The following CACNA1C variants were observed in gnomAD, a reference collection of about 807,000 sequenced individuals.
CACNA1C encodes the protein calcium voltage-gated channel subunit alpha1 C.
CACNA1C carries 30 observed loss-of-function variants against 229.0 expected under a neutral mutation model. The ratio of observed to expected loss-of-function variants is 0.13; its 90% CI spans 0.10 to 0.18. CACNA1C has a LOEUF of 0.18. Among genes scored for constraint, CACNA1C ranks in the 10% least tolerant of loss-of-function variants. The probability of loss-of-function intolerance (pLI) is 1.00; values close to 1 mark genes in which losing one functional copy is unlikely to be tolerated. For missense variants in CACNA1C, 1,658 were observed against 2,845.0 expected, an observed-to-expected ratio of 0.58 and a Z score of 9.49; for synonymous variants, 1,114 against 1,132.5, an observed-to-expected ratio of 0.98 and a Z score of 0.33.
intron 9 of CACNA1C, among the ~76,000 whole-genome samples, chr12:2,515,029 C>T (rs1278629756): frequency 6.6e-6 from 1 of 152,220 alleles, no homozygotes; most frequent in Non-Finnish European, 1.5e-5. Context: ...TGGCCTTAGA[C>T]TCTGGAGACT....
rs190437147 is a variant in CACNA1C, at chr12:2,593,349, T to A, written c.2663+4T>A. ...TCATCTTCAGCTCTAACAACAGGTG[T>A]GCAGCAATGGTGGGGAAGGTGGGGT... On this transcript the variant is annotated splice_donor_region_variant and intron_variant, in intron 19 of 46. Transcript: ENST00000399655. 6.2e-7 allele frequency: 1 copy of A among 1,613,604 alleles called. No homozygotes were observed. Among genetic ancestry groups the A allele is most frequent in the East Asian group, 2.2e-5 (1 of 44,870 alleles).
intron 1 of CACNA1C, among the ~76,000 whole-genome samples, chr12:2,057,937 A>G (rs73046451): frequency 0.044 from 6,670 of 152,254 alleles, 215 homozygotes; most frequent in Non-Finnish European, 0.067. Flanking sequence ...CCTAACTTTA[A>G]TAGGGAAAAG....
intron 1 of CACNA1C, among the ~76,000 whole-genome samples, chr12:2,107,359 C>T (rs2079482247): frequency 1.9e-5 from 1 of 53,052 alleles, no homozygotes. Flanking sequence ...TGGGCGCCCA[C>T]CCCGGGGAGG....
chr12:2,688,923 G>A, intron 46 of CACNA1C, 144 bp downstream of exon 46: 1 of 709,488 alleles, frequency 1.4e-6, no homozygotes, highest in African/African-American at 1.8e-5. Flanking sequence ...TCTCAGGGCT[G>A]CAGGAGGGCT....
At chr12:2,204,087 A>G (rs1203705582) in intron 3 of CACNA1C, among the ~76,000 whole-genome samples, 1 of 152,046 alleles carries the variant, frequency 6.6e-6, no homozygotes. Context: ...AAGTGTTCCT[A>G]TTTCTCCACA....
intron 10 of CACNA1C, among the ~76,000 whole-genome samples, chr12:2,554,830 G>T (rs547486158): frequency 1.3e-5 from 2 of 152,196 alleles, no homozygotes; most frequent in African/African-American, 2.4e-5. Context: ...GACAAAAGCC[G>T]CTGAGCAGTG....
intron 3 of CACNA1C, chr12:2,269,688 A>G (rs2083976903): frequency 6.6e-6 from 1 of 152,164 alleles, no homozygotes; most frequent in Non-Finnish European, 1.5e-5. Context: ...AGGAAACAGA[A>G]TTCTACACAG....
At chr12:2,256,534 C>T (rs1019481429) in intron 3 of CACNA1C, among the ~76,000 whole-genome samples, 4 of 152,144 alleles carry the variant, frequency 2.6e-5, no homozygotes, top group African/African-American at 9.7e-5. Flanking sequence ...ATAATCCTGG[C>T]CCCTGATGAG....
chr12:2,375,829 GT>G lies in CACNA1C; in HGVS notation c.478-73146del, dbSNP rs774573043. The stretch of plus-strand genomic sequence containing the variant: ...CACTGGTTCTGCCCAGAGCTCACTG[GT>G]AACTCAGGCTCTCTGCATGGCAAAG... On this transcript the variant is annotated intron_variant, in intron 3 of 46. Coordinates refer to ENST00000399655, the MANE Select transcript of CACNA1C (RefSeq NM_000719.7). Among the ~76,000 whole-genome samples, 6 of 152,324 alleles carry G rather than the reference GT, an allele frequency of 3.9e-5. No individual in the cohort carries two copies. In the East Asian group the frequency reaches 9.6e-4, roughly 24 times the overall value.
chr12:2,176,431 G>A (rs1277701349), intron 3 of CACNA1C, among the ~76,000 whole-genome samples: 1 of 152,108 alleles, frequency 6.6e-6, no homozygotes, highest in Non-Finnish European at 1.5e-5. Flanking sequence ...TCTGACTCAC[G>A]TTTTTAAAGG....
chr12:2,158,148 A>G (rs183907785), intron 3 of CACNA1C, among the ~76,000 whole-genome samples: 31 of 152,366 alleles, frequency 2.0e-4, no homozygotes, highest in African/African-American at 7.2e-4. Flanking sequence ...AGACAGTTCT[A>G]GTACATTTGC....
chr12:2,278,098 A>G (rs2089631219), intron 3 of CACNA1C, among the ~76,000 whole-genome samples: 1 of 152,226 alleles, frequency 6.6e-6, no homozygotes, highest in Admixed American at 6.5e-5. Flanking sequence ...TTTAAATTCC[A>G]TAGGAATAAA....
At chr12:2,618,189 A>G (rs2081569588) in intron 29 of CACNA1C, among the ~76,000 whole-genome samples, 1 of 152,032 alleles carries the variant, frequency 6.6e-6, no homozygotes, top group Non-Finnish European at 1.5e-5. Flanking sequence ...GCAGGTGGAG[A>G]AGTTGGGAGG....
chr12:2,061,814 C>G (rs1242165762), intron 1 of CACNA1C, among the ~76,000 whole-genome samples: 2 of 152,232 alleles, frequency 1.3e-5, no homozygotes, highest in African/African-American at 4.8e-5. Context: ...CCCAACTTCC[C>G]AGTACAGGAG....
At chr12:2,020,264 C>T in intron 1 of CACNA1C, 1 of 152,206 alleles carries the variant, frequency 6.6e-6, no homozygotes. Context: ...CAGAAAAACT[C>T]TATAAAGTGG....
At position 2,585,611 on chromosome 12, in the gene CACNA1C, A is replaced by G; in HGVS notation, c.2460+115A>G. 7.8e-7 allele frequency: 1 copy of G among 1,284,824 alleles called. No homozygotes were observed. Among genetic ancestry groups the G allele is most frequent in the Non-Finnish European group, 1.1e-6 (1 of 944,132 alleles). The allele number at this position is 1,284,824 out of a possible 1,614,324, so 79.6% of individuals were successfully genotyped here. On this transcript the variant is annotated intron_variant, in intron 17 of 46. Coordinates refer to ENST00000399655, the MANE Select transcript of CACNA1C (RefSeq NM_000719.7). This position sits in a 1 kb window ranked among gnomAD's most constrained non-coding sequence, Gnocchi z 4.1. ...GGAGAGAAAGAAAGACACCCAGTGGAAAGAAAGCCAGTGGGGATGAACAGG... is the reference window on the plus strand; with the variant it reads ...GGAGAGAAAGAAAGACACCCAGTGGGAAGAAAGCCAGTGGGGATGAACAGG...
At chr12:2,502,544 T>C (rs2099762991) in intron 7 of CACNA1C, among the ~76,000 whole-genome samples, 1 of 152,234 alleles carries the variant, frequency 6.6e-6, no homozygotes, top group African/African-American at 2.4e-5. Flanking sequence ...GGGCACACAC[T>C]GGGAATCTTC....
At chr12:2,553,176 C>G (rs924897260) in intron 10 of CACNA1C, among the ~76,000 whole-genome samples, 2 of 152,196 alleles carry the variant, frequency 1.3e-5, no homozygotes, top group African/African-American at 4.8e-5. Flanking sequence ...CTCTGGGCCT[C>G]AGCCTCGTCC....
chr12:2,392,546 T>A (rs181430430), intron 3 of CACNA1C, among the ~76,000 whole-genome samples: 2 of 152,328 alleles, frequency 1.3e-5, no homozygotes, highest in Admixed American at 6.5e-5. Flanking sequence ...CCGTTGTGTC[T>A]GGGCCCAAGC....
Sources: allele counts gnomAD v4.1 joint callset (sites outside exome capture counted in the v4.1 genomes callset), GRCh38; gene constraint gnomAD v4.1.1; non-coding constraint Gnocchi (gnomAD v3.1); transcripts MANE v1.5; gene names NCBI Gene and HGNC (gene_info 2026-07-23, HGNC 2026-07-21).